Variants in PLXNA4 observed in about 807,000 individuals in gnomAD.
PLXNA4 encodes the protein plexin-A4.
PLXNA4 carries 44 observed loss-of-function variants against 191.8 expected under a neutral mutation model. That is an observed-to-expected ratio of 0.23 (90% CI 0.18 to 0.29). PLXNA4 has a LOEUF of 0.29. Ranked by LOEUF, PLXNA4 falls within the 10% of genes least tolerant of loss-of-function variation. The probability of loss-of-function intolerance (pLI) is 1.00; values close to 1 mark genes in which losing one functional copy is unlikely to be tolerated. For missense variants in PLXNA4, 1,800 were observed against 2,488.8 expected (o/e 0.72, Z 5.89); for synonymous variants, 1,082 against 1,009.5 (o/e 1.07, Z -1.36).
At chr7:132,462,028 T>C (rs546456424) in intron 3 of PLXNA4, among the ~76,000 whole-genome samples, 38 of 152,338 alleles carry the variant, frequency 2.5e-4, no homozygotes, top group African/African-American at 8.4e-4. Flanking sequence ...AATTATAACA[T>C]AGTAGAAACG....
intron 9 of PLXNA4, 150 bp downstream of exon 9, chr7:132,223,377 T>C (rs948661658): frequency 1.5e-6 from 1 of 653,694 alleles, no homozygotes; most frequent in Admixed American, 2.6e-5. Context: ...GCATATTTCC[T>C]GTTTTTATAA....
At chr7:132,226,093 G>T in intron 8 of PLXNA4, 68 bp downstream of exon 8, 4 of 1,424,916 alleles carry the variant, frequency 2.8e-6, no homozygotes, top group Non-Finnish European at 3.9e-6. Flanking sequence ...AATAGTGATG[G>T]GGTTTTCTGA....
In PLXNA4 at chr7:132,130,414, T is replaced by C; in HGVS notation, c.*65A>G. ...AGTCGGAACTTGCACTTGGTAAAGA[T>C]GATAATCTAGACTGAGGCACGGCTT... On this transcript the variant is annotated 3_prime_UTR_variant, in exon 32 of 32. Coordinates refer to ENST00000321063, the MANE Select transcript of PLXNA4 (RefSeq NM_020911.2). 1 of 1,610,282 alleles carries C rather than the reference T, an allele frequency of 6.2e-7. No homozygotes were observed. The highest frequency in any genetic ancestry group is 8.5e-7 in the Non-Finnish European group (1 of 1,177,178).
chr7:132,615,633 C>G lies in PLXNA4; in HGVS notation c.-87+30295G>C, dbSNP rs568204853. Reference sequence around the variant, plus strand: ...CCTTATTCCCTGCTTCTGCTCACCTCCCTGCTCTTCTTCCCTTCTGCGGCC... The same window carrying G: ...CCTTATTCCCTGCTTCTGCTCACCTGCCTGCTCTTCTTCCCTTCTGCGGCC... On this transcript the variant is annotated intron_variant, in intron 2 of 4. Transcript: ENST00000378539. 4.6e-5 allele frequency among the ~76,000 whole-genome samples: 7 copies of G among 152,318 alleles called. No individual in the cohort carries two copies. The East Asian group carries it at 1.4e-3, about 29-fold the overall frequency.
rs544234499 is a variant in PLXNA4, at chr7:132,498,258, T to G, written c.1189-8784A>C. 2.0e-5 allele frequency among the ~76,000 whole-genome samples: 3 copies of G among 152,318 alleles called. No individual in the cohort carries two copies. In the South Asian group the frequency reaches 6.2e-4, roughly 32 times the overall value. Reference sequence around the variant, plus strand: ...GCCTAACTGATAAATTAAAGTTTATTATAGGTATGTATGTATATTAGTCCA... The same window carrying G: ...GCCTAACTGATAAATTAAAGTTTATGATAGGTATGTATGTATATTAGTCCA... On this transcript the variant is annotated intron_variant, in intron 2 of 31. Coordinates refer to ENST00000321063, the MANE Select transcript of PLXNA4 (RefSeq NM_020911.2).
At chr7:132,574,488 G>T (rs536210550) in intron 1 of PLXNA4, among the ~76,000 whole-genome samples, 15 of 152,370 alleles carry the variant, frequency 9.8e-5, no homozygotes, top group Admixed American at 5.2e-4. Context: ...GGACCCCATT[G>T]TCACACATGG....
intron 22 of PLXNA4, among the ~76,000 whole-genome samples, chr7:132,166,809 G>T (rs1796137162): frequency 6.6e-6 from 1 of 152,080 alleles, no homozygotes; most frequent in African/African-American, 2.4e-5. Context: ...TATGCCAGTG[G>T]GTGGCTGCGT....
intron 1 of PLXNA4, among the ~76,000 whole-genome samples, chr7:132,555,455 G>A (rs1368609249): frequency 6.6e-6 from 1 of 152,168 alleles, no homozygotes; most frequent in East Asian, 1.9e-4. Flanking sequence ...AACACAGGGT[G>A]GCAAGAAGCA....
chr7:132,375,988 G>T (rs1305153869), intron 3 of PLXNA4, among the ~76,000 whole-genome samples: 1 of 152,202 alleles, frequency 6.6e-6, no homozygotes, highest in African/African-American at 2.4e-5. Context: ...AGTAGAGTTT[G>T]AGTCCCAACG....
chr7:132,129,306 CAA>C lies in PLXNA4; in HGVS notation c.*1171_*1172del, dbSNP rs948000945. On this transcript the variant is annotated 3_prime_UTR_variant, in exon 32 of 32. Transcript: ENST00000321063. ...GCTGAGATGTTGATGAAATCATTCC[CAA>C]AGAGGTCTGGACAGCCCAGTGACAA... 7 of 152,232 alleles carry C rather than the reference CAA, an allele frequency of 4.6e-5. No individual in the cohort carries two copies. Among genetic ancestry groups the C allele is most frequent in the African/African-American group, 1.7e-4 (7 of 41,448 alleles). The allele number at this position is 152,232 out of a possible 1,614,324, so 9.4% of individuals were successfully genotyped here.
chr7:132,602,315 C>G (rs1212892741), intron 2 of PLXNA4, among the ~76,000 whole-genome samples: 1 of 152,200 alleles, frequency 6.6e-6, no homozygotes, highest in African/African-American at 2.4e-5. Context: ...AGTCCACTCT[C>G]TCAGTCATGG....
chr7:132,617,365 C>CA (rs955364377), intron 2 of PLXNA4, among the ~76,000 whole-genome samples: 1 of 152,148 alleles, frequency 6.6e-6, no homozygotes, highest in African/African-American at 2.4e-5. Flanking sequence ...AGACTTGCTC[C>CA]AGGAACTGAT....
In PLXNA4 at chr7:132,185,587, C is replaced by T. The variant is rs767407607; in HGVS notation, c.2994-124G>A. 5.7e-5 allele frequency: 79 copies of T among 1,378,790 alleles called. 1 individual carries two copies. In the Admixed American group the frequency reaches 2.1e-3, roughly 37 times the overall value. The allele number at this position is 1,378,790 out of a possible 1,614,324, so 85.4% of individuals were successfully genotyped here. On this transcript the variant is annotated intron_variant, in intron 15 of 31. Coordinates refer to ENST00000321063, the MANE Select transcript of PLXNA4 (RefSeq NM_020911.2). Reference sequence around the variant, plus strand: ...CTCAGAGGCCATGGGTGGGTGCTCTCAGACAGAAAACTGGAGAGCCAGTGA... The same window carrying T: ...CTCAGAGGCCATGGGTGGGTGCTCTTAGACAGAAAACTGGAGAGCCAGTGA...
chr7:132,203,659 G>T (rs993209898), intron 10 of PLXNA4, among the ~76,000 whole-genome samples: 1 of 152,242 alleles, frequency 6.6e-6, no homozygotes, highest in Non-Finnish European at 1.5e-5. Context: ...AGGCCTCCAA[G>T]CATGCCCCTG....
At chr7:132,605,689 T>A (rs1001761997) in intron 2 of PLXNA4, among the ~76,000 whole-genome samples, 3 of 151,300 alleles carry the variant, frequency 2.0e-5, no homozygotes, top group Non-Finnish European at 4.4e-5. Context: ...CTAGTACTTG[T>A]GAATGTAATC....
intron 3 of PLXNA4, among the ~76,000 whole-genome samples, chr7:132,427,710 G>T (rs1237668361): frequency 6.6e-6 from 1 of 152,242 alleles, no homozygotes; most frequent in Non-Finnish European, 1.5e-5. Flanking sequence ...ATCTTGGAGA[G>T]TCTGGTTCTT....
rs374748832 is a variant in PLXNA4, at chr7:132,608,457, T to A, written c.-87+37471A>T. Among the ~76,000 whole-genome samples, 4 of 152,304 alleles carry A rather than the reference T, an allele frequency of 2.6e-5. No homozygotes were observed. The East Asian group carries it at 7.7e-4, about 29-fold the overall frequency. ...CAGAGTCACTGCACTCGAGGAACAC[T>A]CAGTCCAATGGCAAAGGAGAAGTAC... On this transcript the variant is annotated intron_variant, in intron 2 of 4. Transcript: ENST00000378539.
In PLXNA4 at chr7:132,445,034, A is replaced by G. The variant is rs568918070; in HGVS notation, c.1371+44258T>C. 2.6e-4 allele frequency among the ~76,000 whole-genome samples: 40 copies of G among 151,590 alleles called. No individual in the cohort carries two copies. The South Asian group carries it at 7.8e-3, about 30-fold the overall frequency. On this transcript the variant is annotated intron_variant, in intron 3 of 31. Coordinates refer to ENST00000321063, the MANE Select transcript of PLXNA4 (RefSeq NM_020911.2). Reference sequence around the variant, plus strand: ...CCGGGCACAGTGGCAGGCACCCTGTAGTCCCAGCTACTCGGGAGGCTGAGG... The same window carrying G: ...CCGGGCACAGTGGCAGGCACCCTGTGGTCCCAGCTACTCGGGAGGCTGAGG...
At chr7:132,630,609 T>C (rs1278910821) in intron 2 of PLXNA4, among the ~76,000 whole-genome samples, 1 of 152,104 alleles carries the variant, frequency 6.6e-6, no homozygotes, top group African/African-American at 2.4e-5. Flanking sequence ...CCGCCCAGGT[T>C]CACGCCATTC....
Sources: gnomAD v4.1 joint callset for allele counts (sites outside exome capture counted in the v4.1 genomes callset) on GRCh38, gnomAD v4.1.1 for gene constraint, MANE v1.5 for transcripts, NCBI Gene and HGNC (gene_info 2026-07-23, HGNC 2026-07-21) for gene names.